BRINP1: variants seen among roughly 807,000 people sequenced by gnomAD.
BRINP1 encodes BMP/retinoic acid inducible neural specific 1.
BRINP1 carries 17 observed loss-of-function variants against 72.9 expected under a neutral mutation model. The ratio of observed to expected loss-of-function variants is 0.23; its 90% CI spans 0.16 to 0.35. The LOEUF is 0.35. Ranked by LOEUF, BRINP1 falls within the 10% of genes least tolerant of loss-of-function variation. BRINP1 has a pLI of 1.00. For missense variants in BRINP1, 850 were observed against 1,001.6 expected, an observed-to-expected ratio of 0.85 and a Z score of 2.04; for synonymous variants, 418 against 378.5, an observed-to-expected ratio of 1.10 and a Z score of -1.21.
At chr9:119,256,563 A>G (rs1830450315) in intron 2 of BRINP1, among the ~76,000 whole-genome samples, 1 of 152,242 alleles carries the variant, frequency 6.6e-6, no homozygotes, top group Non-Finnish European at 1.5e-5. Context: ...ATAGTTAGAC[A>G]ACTTCTTTAT....
At chr9:119,287,104 T>C (rs1416107115) in intron 2 of BRINP1, among the ~76,000 whole-genome samples, 3 of 152,108 alleles carry the variant, frequency 2.0e-5, no homozygotes, top group East Asian at 3.9e-4. Flanking sequence ...CTGATTTATC[T>C]CTTCTCTAAG....
At chr9:119,290,090 C>T (rs530872928) in intron 2 of BRINP1, among the ~76,000 whole-genome samples, 265 of 152,218 alleles carry the variant, frequency 1.7e-3, no homozygotes, top group Non-Finnish European at 2.4e-3. Flanking sequence ...TGAATACATT[C>T]AAAAGAACAA....
intron 4 of BRINP1, among the ~76,000 whole-genome samples, chr9:119,241,060 A>C (rs1175383161): frequency 6.6e-6 from 1 of 152,214 alleles, no homozygotes; most frequent in Non-Finnish European, 1.5e-5. Flanking sequence ...TTGTGTTTAA[A>C]ATGGAATCTT....
At chr9:119,294,805 G>A (rs987530658) in intron 2 of BRINP1, among the ~76,000 whole-genome samples, 4 of 141,838 alleles carry the variant, frequency 2.8e-5, no homozygotes, top group Non-Finnish European at 6.1e-5. Flanking sequence ...GCAGTGAGCC[G>A]AGATCACACC....
chr9:119,367,954 C>G (rs966298840), intron 1 of BRINP1, among the ~76,000 whole-genome samples: 2 of 152,178 alleles, frequency 1.3e-5, no homozygotes, highest in Non-Finnish European at 2.9e-5. Context: ...TGGGGGCTTC[C>G]CCGCCTGAAA....
chr9:119,182,649 A>C (rs2118840045), intron 7 of BRINP1, among the ~76,000 whole-genome samples: 1 of 152,342 alleles, frequency 6.6e-6, no homozygotes, highest in East Asian at 1.9e-4. Flanking sequence ...AGGTGAACCC[A>C]AAAGCCCTTA....
At chr9:119,240,525 C>T (rs767836438) in intron 4 of BRINP1, among the ~76,000 whole-genome samples, 3 of 152,146 alleles carry the variant, frequency 2.0e-5, no homozygotes, top group African/African-American at 7.2e-5. Context: ...TATCTCAATT[C>T]CACATCCCAT....
intron 1 of BRINP1, among the ~76,000 whole-genome samples, chr9:119,358,380 T>C (rs1831592480): frequency 8.0e-6 from 1 of 124,796 alleles, no homozygotes; most frequent in Non-Finnish European, 1.6e-5. Context: ...AAAGAGTTTA[T>C]ATGTATTAAA....
chr9:119,169,387 G>A (rs1829370596), intron 7 of BRINP1, among the ~76,000 whole-genome samples: 1 of 149,144 alleles, frequency 6.7e-6, no homozygotes. Context: ...CTGGAAAATC[G>A]GGTCACTCCC....
chr9:119,241,688 C>T (rs1355936112), intron 4 of BRINP1, among the ~76,000 whole-genome samples: 1 of 152,142 alleles, frequency 6.6e-6, no homozygotes, highest in East Asian at 1.9e-4. Flanking sequence ...AATCTAATCG[C>T]TGCTATCTCT....
intron 2 of BRINP1, among the ~76,000 whole-genome samples, chr9:119,266,891 C>T (rs1275802448): frequency 6.6e-6 from 1 of 152,126 alleles, no homozygotes; most frequent in Non-Finnish European, 1.5e-5. Flanking sequence ...GATGAAAAGC[C>T]ACTATAGAGG....
chr9:119,262,488 T>A (rs1018052212), intron 2 of BRINP1, among the ~76,000 whole-genome samples: 19 of 151,036 alleles, frequency 1.3e-4, no homozygotes, highest in Non-Finnish European at 2.5e-4. Flanking sequence ...AAAAATAAAA[T>A]AAAAATAAAT....
intron 1 of BRINP1, among the ~76,000 whole-genome samples, chr9:119,317,490 G>C (rs538830631): frequency 1.3e-5 from 2 of 152,334 alleles, no homozygotes; most frequent in African/African-American, 4.8e-5. Flanking sequence ...AGTTTCTCAA[G>C]ATGGAGTCTA....
chr9:119,215,524 A>AT (rs1207057731), intron 5 of BRINP1, among the ~76,000 whole-genome samples: 7 of 151,986 alleles, frequency 4.6e-5, no homozygotes, highest in East Asian at 1.9e-4. Flanking sequence ...TATTTGGATT[A>AT]TTTTTTTTCT....
At chr9:119,363,462 A>T (rs1031627220) in intron 1 of BRINP1, among the ~76,000 whole-genome samples, 2 of 152,110 alleles carry the variant, frequency 1.3e-5, no homozygotes, top group African/African-American at 4.8e-5. Context: ...TACATGGCTG[A>T]TTCCTTCTCA....
intron 1 of BRINP1, among the ~76,000 whole-genome samples, chr9:119,324,335 T>G (rs1460456064): frequency 6.6e-6 from 1 of 152,148 alleles, no homozygotes; most frequent in African/African-American, 2.4e-5. Context: ...TACTGCACAG[T>G]GGGTTCTGTT....
chr9:119,168,533 T>C (rs1829349198), intron 7 of BRINP1, among the ~76,000 whole-genome samples: 1 of 123,538 alleles, frequency 8.1e-6, no homozygotes, highest in Non-Finnish European at 1.9e-5. Flanking sequence ...TATACACTAG[T>C]CCCAGAAAAG....
At chr9:119,265,168 T>G (rs1018723867) in intron 2 of BRINP1, among the ~76,000 whole-genome samples, 2 of 152,208 alleles carry the variant, frequency 1.3e-5, no homozygotes, top group African/African-American at 4.8e-5. Context: ...TTGCACTTCC[T>G]TAAAGTATGT....
intron 1 of BRINP1, among the ~76,000 whole-genome samples, chr9:119,341,605 T>C (rs1261001314): frequency 6.6e-6 from 1 of 152,162 alleles, no homozygotes; most frequent in Non-Finnish European, 1.5e-5. Context: ...TGATGCCAGA[T>C]GATTTTGCCC....
Sources: allele counts gnomAD v4.1 joint callset (sites outside exome capture counted in the v4.1 genomes callset), GRCh38; gene constraint gnomAD v4.1.1; transcripts MANE v1.5; gene names NCBI Gene and HGNC (gene_info 2026-07-23, HGNC 2026-07-21).